Variants in BBOF1 observed in about 807,000 individuals in gnomAD.
The protein encoded by BBOF1 is basal body orientation factor 1, also known as basal body-orientation factor 1.
Under a neutral mutation model 68.0 loss-of-function variants are expected in BBOF1, and 62 were observed. The ratio of observed to expected loss-of-function variants is 0.91; its 90% CI spans 0.74 to 1.13. The LOEUF (loss-of-function observed/expected upper bound fraction) is 1.13. BBOF1 is among the 50% of genes most tolerant of loss of function. The probability of loss-of-function intolerance (pLI) is 0.00; values close to 1 mark genes in which losing one functional copy is unlikely to be tolerated. For synonymous variants in BBOF1, 208 were observed against 198.8 expected (o/e 1.05, Z -0.39); for missense variants, 534 against 600.1 (o/e 0.89, Z 1.15).
intron 4 of BBOF1, among the ~76,000 whole-genome samples, chr14:74,036,469 G>A (rs1312176172): frequency 6.6e-6 from 1 of 152,070 alleles, no homozygotes; most frequent in Non-Finnish European, 1.5e-5. Context: ...GATCACCTGA[G>A]GTCAGGAGTT....
At chr14:74,060,656 TA>T in intron 11 of BBOF1, 1 of 1,611,580 alleles carries the variant, frequency 6.2e-7, no homozygotes, top group Non-Finnish European at 8.5e-7. Context: ...CGGCCCATGG[TA>T]GGCATGACAA....
chr14:74,059,850 T>C (rs532016679), intron 11 of BBOF1: 2 of 154,056 alleles, frequency 1.3e-5, no homozygotes, highest in Admixed American at 6.4e-5. Flanking sequence ...GAAGTGATCT[T>C]AAGCAGGAGC....
intron 5 of BBOF1, among the ~76,000 whole-genome samples, chr14:74,044,471 T>TTC (rs1158857638): frequency 3.9e-5 from 3 of 77,202 alleles, no homozygotes; most frequent in African/African-American, 1.3e-4. Context: ...CACCAACCTC[T>TTC]TCTCTTTTTT....
chr14:74,060,615 T>C, intron 11 of BBOF1: 1 of 1,464,932 alleles, frequency 6.8e-7, no homozygotes, highest in Non-Finnish European at 9.6e-7. Flanking sequence ...TTACTCAGGA[T>C]GGAGTCAGTC....
At position 74,074,433 on chromosome 14, in the gene BBOF1, C is replaced by T. The variant is rs1595129396; in HGVS notation, n.1380-3763C>T. Among the ~76,000 whole-genome samples, 7 of 151,806 alleles carry T rather than the reference C, an allele frequency of 4.6e-5. No individual in the cohort carries two copies. The South Asian group carries it at 8.3e-4, about 18-fold the overall frequency. On this transcript the variant is annotated intron_variant and non_coding_transcript_variant, in intron 9 of 12. Transcript: ENST00000492026. Reference sequence around the variant, plus strand: ...CGCAGAGTAGCTGGGACTACAGGTGCGTGCCACCATGCCCAGCTAAGTTTT... The same window carrying T: ...CGCAGAGTAGCTGGGACTACAGGTGTGTGCCACCATGCCCAGCTAAGTTTT...
intron 3 of BBOF1, among the ~76,000 whole-genome samples, chr14:74,032,986 A>G (rs1431490664): frequency 6.8e-6 from 1 of 146,874 alleles, no homozygotes; most frequent in African/African-American, 2.5e-5. Context: ...TCAGTCTTTT[A>G]TGTCTCCTTC....
At chr14:74,060,729 AGT>A (rs2060320237) in intron 11 of BBOF1, 1 of 1,612,728 alleles carries the variant, frequency 6.2e-7, no homozygotes, top group Non-Finnish European at 8.5e-7. Flanking sequence ...TCTTTAACTG[AGT>A]GTAGAATTGG....
chr14:74,047,417 T>G (rs59192843), intron 6 of BBOF1, among the ~76,000 whole-genome samples: 13,666 of 128,364 alleles, frequency 0.11, 805 homozygotes, highest in South Asian at 0.32. Flanking sequence ...CTTTATTTAT[T>G]TATTTATTTA....
At chr14:74,045,959 G>A in intron 5 of BBOF1, 101 bp from the exon 6 acceptor site, 1 of 1,017,264 alleles carries the variant, frequency 9.8e-7, no homozygotes, top group Non-Finnish European at 1.4e-6. Context: ...AGGTCATGGG[G>A]ACAGGAGTTT....
At position 74,065,662 on chromosome 14, in the gene BBOF1, A is replaced by C; in HGVS notation, c.*963A>C. ...CTGCCTTTTTAATACCTGAACGACT[A>C]GTTTCATCCAATTGTTATCAAAAAG... On this transcript the variant is annotated 3_prime_UTR_variant, in exon 12 of 12. Transcript: ENST00000394009. The C allele has an allele frequency of 3.0e-6, 1 of 331,128 alleles. No individual in the cohort carries two copies. The highest frequency in any genetic ancestry group is 5.6e-6 in the Non-Finnish European group (1 of 177,338). The allele number at this position is 331,128 out of a possible 1,614,324, so 20.5% of individuals were successfully genotyped here.
At chr14:74,066,886 C>T (rs1362472778), downstream of BBOF1, 1 of 1,612,470 alleles carries the variant, frequency 6.2e-7, no homozygotes, top group Non-Finnish European at 8.5e-7. Flanking sequence ...AGGCTGATCT[C>T]CTGTAAAACA....
intron 3 of BBOF1, among the ~76,000 whole-genome samples, chr14:74,031,428 G>T (rs533738104): frequency 6.6e-6 from 1 of 152,012 alleles, no homozygotes; most frequent in African/African-American, 2.4e-5. Flanking sequence ...CCCTTTTATA[G>T]CTGTGTGATG....
chr14:74,034,963 G>GT (rs2059661865), intron 4 of BBOF1, among the ~76,000 whole-genome samples: 1 of 151,860 alleles, frequency 6.6e-6, no homozygotes, highest in Non-Finnish European at 1.5e-5. Context: ...ACAGTGGCTC[G>GT]TGCGTATAGT....
chr14:74,077,023 A>G (rs2139808611), intron 9 of BBOF1, among the ~76,000 whole-genome samples: 1 of 152,342 alleles, frequency 6.6e-6, no homozygotes, highest in East Asian at 1.9e-4. Context: ...TGCCTGCAGC[A>G]CTGCCCAGGA....
rs1769283975 is a variant in BBOF1 at position 74,023,072 on chromosome 14, A to G, written c.213A>G (p.Gln71=). The G allele has an allele frequency of 1.9e-6, 3 of 1,606,048 alleles. No homozygotes were observed. The highest frequency in any genetic ancestry group is 1.1e-5 in the South Asian group (1 of 89,432). Residue 71 remains glutamine (Q), a synonymous_variant, in exon 2 of 12, where the codon CAA becomes CAG. Coordinates refer to ENST00000394009, the MANE Select transcript of BBOF1 (RefSeq NM_025057.3). ...GTAATGAGGACTTAAAGAAAAAGCAATGTAAAATGGAGAAAGACATAATGT... is the reference window on the plus strand; with the variant it reads ...GTAATGAGGACTTAAAGAAAAAGCAGTGTAAAATGGAGAAAGACATAATGT... ...AKSNEDLKKK[Q]CKMEKDIMSV...
At chr14:74,025,435 A>G (rs1447956068) in intron 2 of BBOF1, among the ~76,000 whole-genome samples, 1 of 152,216 alleles carries the variant, frequency 6.6e-6, no homozygotes, top group African/African-American at 2.4e-5. Flanking sequence ...ATTTTGCTAT[A>G]TACTAGAAAA....
intron 11 of BBOF1, chr14:74,060,513 C>T: frequency 1.3e-6 from 1 of 771,952 alleles, no homozygotes; most frequent in Non-Finnish European, 2.3e-6. Flanking sequence ...GGTTAATAGT[C>T]CTGAGGAAGA....
At chr14:74,028,444 AT>A (rs2059483484) in intron 2 of BBOF1, among the ~76,000 whole-genome samples, 1 of 150,636 alleles carries the variant, frequency 6.6e-6, no homozygotes, top group African/African-American at 2.4e-5. Context: ...TGAAATTGAC[AT>A]TACCCTTTAC....
intron 3 of BBOF1, 134 bp downstream of exon 3, chr14:74,029,383 T>A: frequency 1.8e-6 from 1 of 564,260 alleles, no homozygotes; most frequent in Admixed American, 3.0e-5. Context: ...CTTGATTGTA[T>A]AGAAATTCAA....
Sources: allele counts gnomAD v4.1 joint callset (sites outside exome capture counted in the v4.1 genomes callset), GRCh38; gene constraint gnomAD v4.1.1; transcripts MANE v1.5; gene names NCBI Gene and HGNC (gene_info 2026-07-23, HGNC 2026-07-21).